PDE3A: variants seen among roughly 807,000 people sequenced by gnomAD.
PDE3A encodes the protein phosphodiesterase 3A.
Under a neutral mutation model 98.3 loss-of-function variants are expected in PDE3A, and 43 were observed. The ratio of observed to expected loss-of-function variants is 0.44; its 90% CI spans 0.34 to 0.56. PDE3A has a LOEUF of 0.56. PDE3A is among the 20% of genes least tolerant of loss of function. The probability of loss-of-function intolerance (pLI) is 0.01; values close to 1 mark genes in which losing one functional copy is unlikely to be tolerated. For missense variants in PDE3A, 1,427 were observed against 1,440.7 expected, an observed-to-expected ratio of 0.99 and a Z score of 0.15; for synonymous variants, 663 against 567.9, an observed-to-expected ratio of 1.17 and a Z score of -2.38.
intron 1 of PDE3A, among the ~76,000 whole-genome samples, chr12:20,386,104 T>TACATAA (rs1943776572): frequency 1.3e-5 from 1 of 75,896 alleles, no homozygotes; most frequent in Non-Finnish European, 2.3e-5. Flanking sequence ...TATATAAATA[T>TACATAA]ATATATAAAT....
chr12:20,609,577 A>G (rs1014775183), intron 2 of PDE3A, among the ~76,000 whole-genome samples: 3 of 152,194 alleles, frequency 2.0e-5, no homozygotes, highest in Admixed American at 6.5e-5. Flanking sequence ...GAAACCACAA[A>G]AAACCCCAAA....
chr12:20,538,285 C>T (rs1941802790), intron 1 of PDE3A, among the ~76,000 whole-genome samples: 1 of 152,024 alleles, frequency 6.6e-6, no homozygotes, highest in Non-Finnish European at 1.5e-5. Flanking sequence ...AATTATCTTC[C>T]CCTCATGGTC....
Position 20,471,290 on chromosome 12 carries a change from T to C in PDE3A, c.961-85370T>C, listed in dbSNP as rs150395874. 5.2e-3 allele frequency among the ~76,000 whole-genome samples: 787 copies of C among 152,280 alleles called. 7 individuals carry two copies. The highest frequency in any genetic ancestry group is 0.018 in the African/African-American group (747 of 41,558). The stretch of plus-strand genomic sequence containing the variant: ...TCTACAAGTGGTTTTCAGCCTTTTC[T>C]GCACATTAAAATCTTTGGAGCTTTT... On this transcript the variant is annotated intron_variant, in intron 1 of 15. Transcript: ENST00000359062.
At chr12:20,658,265 C>T (rs1009311617) in intron 15 of PDE3A, among the ~76,000 whole-genome samples, 1 of 152,136 alleles carries the variant, frequency 6.6e-6, no homozygotes, top group Non-Finnish European at 1.5e-5. Context: ...GGCCTGTGCC[C>T]CATACACTTT....
chr12:20,606,851 C>CA (rs370189687), intron 2 of PDE3A, among the ~76,000 whole-genome samples: 20,076 of 74,142 alleles, frequency 0.27, 1,767 homozygotes, highest in Middle Eastern at 0.35. Context: ...AGCTCCATCT[C>CA]AAAAAAAAAA....
chr12:20,564,442 C>A (rs1295315792), intron 2 of PDE3A, among the ~76,000 whole-genome samples: 2 of 152,078 alleles, frequency 1.3e-5, no homozygotes, highest in African/African-American at 4.8e-5. Context: ...TTAAGTCTAT[C>A]GAATAGAAAT....
intron 1 of PDE3A, among the ~76,000 whole-genome samples, chr12:20,537,124 G>T (rs893664960): frequency 6.6e-6 from 1 of 152,182 alleles, no homozygotes; most frequent in Admixed American, 6.5e-5. Flanking sequence ...GTATCTCACT[G>T]TGGTCTTGAT....
chr12:20,582,989 A>AGACT (rs1943107160), intron 2 of PDE3A, among the ~76,000 whole-genome samples: 1 of 152,228 alleles, frequency 6.6e-6, no homozygotes, highest in Non-Finnish European at 1.5e-5. Flanking sequence ...TAAAAATTAC[A>AGACT]GACTGATTCC....
At chr12:20,522,613 A>G (rs993954901) in intron 1 of PDE3A, among the ~76,000 whole-genome samples, 6 of 152,144 alleles carry the variant, frequency 3.9e-5, no homozygotes, top group African/African-American at 1.2e-4. Context: ...CTTTGTGGTT[A>G]TCTCGGTTAG....
intron 1 of PDE3A, among the ~76,000 whole-genome samples, chr12:20,554,106 T>G (rs1345091120): frequency 6.6e-6 from 1 of 151,838 alleles, no homozygotes; most frequent in Non-Finnish European, 1.5e-5. Flanking sequence ...TTGTATTTTT[T>G]TTTTGAAAGG....
chr12:20,640,040 G>A, intron 10 of PDE3A, 83 bp downstream of exon 10: 1 of 674,902 alleles, frequency 1.5e-6, no homozygotes, highest in South Asian at 1.6e-5. Context: ...ATCATTAGCA[G>A]GTAGCACAGA....
At chr12:20,522,087 T>C (rs181621293) in intron 1 of PDE3A, among the ~76,000 whole-genome samples, 2 of 152,166 alleles carry the variant, frequency 1.3e-5, no homozygotes. Flanking sequence ...ATCTTCGGGC[T>C]GTCCACTAGA....
chr12:20,465,699 GT>G (rs1945330809), intron 1 of PDE3A, among the ~76,000 whole-genome samples: 1 of 152,100 alleles, frequency 6.6e-6, no homozygotes, highest in Non-Finnish European at 1.5e-5. Flanking sequence ...AGGAGCCACC[GT>G]GCCCAGCCAG....
In PDE3A at chr12:20,654,029, CCTT is replaced by C; in HGVS notation, c.3010_3012del (p.Phe1004del). ...CCTCAGCTGGCCAACCTTCAGGAAT[CCTT>C]CATCTCTCACATTGTGGGGCCTCTG... On this transcript the variant is annotated inframe_deletion, in exon 15 of 16. Transcript: ENST00000359062. 6.2e-7 allele frequency: 1 copy of C among 1,614,104 alleles called. No homozygotes were observed. Among genetic ancestry groups the C allele is most frequent in the Non-Finnish European group, 8.5e-7 (1 of 1,179,994 alleles).
At chr12:20,479,031 A>G (rs1417965823) in intron 1 of PDE3A, among the ~76,000 whole-genome samples, 1 of 152,180 alleles carries the variant, frequency 6.6e-6, no homozygotes, top group East Asian at 1.9e-4. Flanking sequence ...ACATTTTATT[A>G]TGGCCAGGCT....
At chr12:20,428,798 A>G (rs1011200704) in intron 1 of PDE3A, among the ~76,000 whole-genome samples, 5 of 152,174 alleles carry the variant, frequency 3.3e-5, no homozygotes, top group African/African-American at 1.2e-4. Context: ...TCAAAAAAGG[A>G]CAATGTATAA....
chr12:20,450,501 A>C (rs1449882918), intron 1 of PDE3A, among the ~76,000 whole-genome samples: 2 of 152,262 alleles, frequency 1.3e-5, no homozygotes, highest in African/African-American at 4.8e-5. Context: ...TTTAAAATAG[A>C]AAACTCCTTC....
chr12:20,426,094 G>T (rs1044956399), intron 1 of PDE3A, among the ~76,000 whole-genome samples: 2 of 152,118 alleles, frequency 1.3e-5, no homozygotes, highest in South Asian at 4.1e-4. Flanking sequence ...AGACTTCTTG[G>T]AAGGAAAATA....
intron 2 of PDE3A, among the ~76,000 whole-genome samples, chr12:20,601,954 AACAG>A (rs755457129): frequency 1.7e-4 from 26 of 152,202 alleles, no homozygotes; most frequent in South Asian, 8.3e-4. Context: ...CTTGATATTT[AACAG>A]ACAAAGACCA....
Sources: gnomAD v4.1 joint callset for allele counts (sites outside exome capture counted in the v4.1 genomes callset) on GRCh38, gnomAD v4.1.1 for gene constraint, MANE v1.5 for transcripts, NCBI Gene and HGNC (gene_info 2026-07-23, HGNC 2026-07-21) for gene names.